Variants in TLL2 observed in about 807,000 individuals in gnomAD.
The protein encoded by TLL2 is tolloid-like protein 2.
TLL2 carries 106 observed loss-of-function variants against 123.0 expected under a neutral mutation model. The observed-to-expected ratio is 0.86, with a 90% confidence interval of 0.74 to 1.01. TLL2 has a LOEUF of 1.01. Ranked by LOEUF, TLL2 falls within the 50% of genes least tolerant of loss-of-function variation. The pLI, the probability that TLL2 is intolerant of heterozygous loss-of-function variation, is 0.00. For missense variants in TLL2, 1,332 were observed against 1,336.7 expected, an observed-to-expected ratio of 1.00 and a Z score of 0.06; for synonymous variants, 494 against 516.8, an observed-to-expected ratio of 0.96 and a Z score of 0.60.
intron 3 of TLL2, among the ~76,000 whole-genome samples, chr10:96,438,605 G>T (rs1297442902): frequency 1.3e-5 from 2 of 152,064 alleles, no homozygotes; most frequent in African/African-American, 4.8e-5. Flanking sequence ...TTACAAACAG[G>T]GACAGTTTTA....
intron 1 of TLL2, among the ~76,000 whole-genome samples, chr10:96,504,453 T>C (rs920232503): frequency 6.6e-6 from 1 of 151,820 alleles, no homozygotes; most frequent in Non-Finnish European, 1.5e-5. Flanking sequence ...CTACTAAAAA[T>C]ACAAAAATTA....
intron 3 of TLL2, among the ~76,000 whole-genome samples, chr10:96,439,358 C>T (rs1341586674): frequency 1.3e-5 from 2 of 151,740 alleles, no homozygotes; most frequent in African/African-American, 2.4e-5. Flanking sequence ...TATTTGGCCT[C>T]CCAAAGTGCT....
chr10:96,403,206 C>T (rs936064959), intron 10 of TLL2, among the ~76,000 whole-genome samples: 4 of 152,118 alleles, frequency 2.6e-5, no homozygotes, highest in East Asian at 1.9e-4. Context: ...TGTCTACTCC[C>T]GAGACACTGC....
At chr10:96,402,041 G>A (rs1306300080) in intron 10 of TLL2, among the ~76,000 whole-genome samples, 1 of 152,194 alleles carries the variant, frequency 6.6e-6, no homozygotes, top group Non-Finnish European at 1.5e-5. Context: ...TGGGGAGCTT[G>A]GTTTTCTCAT....
At chr10:96,458,854 G>A (rs1473061835) in intron 2 of TLL2, among the ~76,000 whole-genome samples, 1 of 152,010 alleles carries the variant, frequency 6.6e-6, no homozygotes, top group Admixed American at 6.5e-5. Context: ...CAGCACTTTG[G>A]GAGGTCAAGG....
chr10:96,370,049 C>T lies in TLL2; in HGVS notation c.2913+16G>A. 1 of 1,554,124 alleles carries T rather than the reference C, an allele frequency of 6.4e-7. No individual in the cohort carries two copies. ...TCATCACACTCTGCCCCGGCCCCAGCGTCTCCGGGACTTACCCCAGAGCCA... is the reference window on the plus strand; with the variant it reads ...TCATCACACTCTGCCCCGGCCCCAGTGTCTCCGGGACTTACCCCAGAGCCA... On this transcript the variant is annotated intron_variant, in intron 20 of 20. Coordinates refer to ENST00000357947, the MANE Select transcript of TLL2 (RefSeq NM_012465.4).
chr10:96,412,993 C>T (rs548643173), intron 8 of TLL2, among the ~76,000 whole-genome samples, 199 bp downstream of exon 8: 14 of 152,194 alleles, frequency 9.2e-5, no homozygotes, highest in Non-Finnish European at 1.8e-4. Flanking sequence ...ACTCTAAGAC[C>T]TATTATTCTC....
intron 20 of TLL2, among the ~76,000 whole-genome samples, chr10:96,369,139 G>T (rs902092610): frequency 6.6e-6 from 1 of 152,222 alleles, no homozygotes; most frequent in African/African-American, 2.4e-5. Flanking sequence ...CAGAAAGGAG[G>T]GGGCTGGTGC....
At chr10:96,398,933 G>T (rs1426766376) in intron 10 of TLL2, among the ~76,000 whole-genome samples, 1 of 147,640 alleles carries the variant, frequency 6.8e-6, no homozygotes, top group Non-Finnish European at 1.5e-5. Context: ...ACACAATGGC[G>T]TGATCTCAGC....
intron 1 of TLL2, among the ~76,000 whole-genome samples, chr10:96,497,946 T>G (rs1847493519): frequency 6.6e-6 from 1 of 152,254 alleles, no homozygotes; most frequent in Non-Finnish European, 1.5e-5. Flanking sequence ...TATGACTTAC[T>G]GCTATCTCAT....
chr10:96,447,803 G>A (rs917078437), intron 2 of TLL2, among the ~76,000 whole-genome samples: 3 of 152,136 alleles, frequency 2.0e-5, no homozygotes, highest in African/African-American at 4.8e-5. Context: ...AACACTTTAT[G>A]TGTAATCCCA....
chr10:96,501,279 T>G (rs2134114445), intron 1 of TLL2, among the ~76,000 whole-genome samples: 1 of 152,352 alleles, frequency 6.6e-6, no homozygotes, highest in Non-Finnish European at 1.5e-5. Flanking sequence ...CTGAATATGT[T>G]TGAGTGAACT....
intron 7 of TLL2, 121 bp downstream of exon 7, chr10:96,420,835 C>A: frequency 1.3e-6 from 1 of 792,802 alleles, no homozygotes; most frequent in South Asian, 1.5e-5. Flanking sequence ...ATTTCAAGGA[C>A]AGACAGGCCA....
At chr10:96,465,451 C>T (rs1283080337) in intron 2 of TLL2, among the ~76,000 whole-genome samples, 2 of 152,122 alleles carry the variant, frequency 1.3e-5, no homozygotes, top group African/African-American at 4.8e-5. Context: ...TTTCTGTGTC[C>T]CATCCTACCC....
At chr10:96,399,895 C>G (rs1437160000) in intron 10 of TLL2, among the ~76,000 whole-genome samples, 2 of 152,222 alleles carry the variant, frequency 1.3e-5, no homozygotes. Context: ...ACCCAAGGGC[C>G]ATTAGACAGC....
chr10:96,495,606 T>G (rs900735869), intron 1 of TLL2, among the ~76,000 whole-genome samples: 1 of 152,128 alleles, frequency 6.6e-6, no homozygotes, highest in Non-Finnish European at 1.5e-5. Flanking sequence ...GTTTTTTTGT[T>G]TATTCTCAGG....
intron 13 of TLL2, among the ~76,000 whole-genome samples, chr10:96,387,633 G>T (rs747088897): frequency 2.6e-5 from 4 of 152,138 alleles, no homozygotes; most frequent in African/African-American, 4.8e-5. Flanking sequence ...AGAAAACACG[G>T]GCTCTTAGGT....
At chr10:96,370,371 G>T in intron 19 of TLL2, 56 bp from the exon 20 acceptor site, 1 of 1,495,690 alleles carries the variant, frequency 6.7e-7, no homozygotes. Flanking sequence ...CGTGCCTCCC[G>T]CCTGCGTCTG....
intron 2 of TLL2, 145 bp from the exon 3 acceptor site, chr10:96,446,313 C>A: frequency 1.3e-6 from 1 of 741,330 alleles, no homozygotes; most frequent in Non-Finnish European, 2.2e-6. Context: ...TCAACTGAGC[C>A]CTTACCACAT....
Sources: allele counts gnomAD v4.1 joint callset (sites outside exome capture counted in the v4.1 genomes callset), GRCh38; gene constraint gnomAD v4.1.1; transcripts MANE v1.5; gene names NCBI Gene and HGNC (gene_info 2026-07-23, HGNC 2026-07-21).